MAF: variants seen among roughly 807,000 people sequenced by gnomAD.
MAF encodes transcription factor Maf.
Under a neutral mutation model 22.0 loss-of-function variants are expected in MAF, and 10 were observed. The observed-to-expected ratio is 0.45, with a 90% CI of 0.28 to 0.77. The LOEUF is 0.77. Among genes scored for constraint, MAF ranks in the 30% least tolerant of loss-of-function variants. The pLI is 0.12. For synonymous variants in MAF, 337 were observed against 255.8 expected, an observed-to-expected ratio of 1.32 and a Z score of -3.03; for missense variants, 544 against 548.4, an observed-to-expected ratio of 0.99 and a Z score of 0.08.
the MAF span, among the ~76,000 whole-genome samples, chr16:79,223,534 G>C: frequency 1.3e-5 from 2 of 152,120 alleles, no homozygotes; most frequent in African/African-American, 4.8e-5. Flanking sequence ...GAAGGAGATA[G>C]AGACACAAAA....
chr16:79,370,997 C>A, the MAF span, among the ~76,000 whole-genome samples: 1 of 152,200 alleles, frequency 6.6e-6, no homozygotes, highest in East Asian at 1.9e-4. Context: ...TTGTAGCTCT[C>A]AATTAGTGGA....
At chr16:79,541,741 C>T in the MAF span, among the ~76,000 whole-genome samples, 6 of 150,314 alleles carry the variant, frequency 4.0e-5, no homozygotes, top group South Asian at 1.3e-3. Flanking sequence ...ACTGCAACCT[C>T]CACCTCCGGG....
At chr16:79,580,724 C>T in the MAF span, among the ~76,000 whole-genome samples, 2 of 151,950 alleles carry the variant, frequency 1.3e-5, no homozygotes, top group Non-Finnish European at 2.9e-5. Flanking sequence ...CTCAAACCTC[C>T]GAACCTGCTT....
the MAF span, among the ~76,000 whole-genome samples, chr16:79,560,636 A>G: frequency 6.6e-6 from 1 of 152,014 alleles, no homozygotes; most frequent in African/African-American, 2.4e-5. Context: ...TTTCCATAAG[A>G]TACTCACTGT....
chr16:79,291,911 T>C, the MAF span, among the ~76,000 whole-genome samples: 1 of 150,914 alleles, frequency 6.6e-6, no homozygotes, highest in African/African-American at 2.4e-5. Flanking sequence ...GATGTGTGGG[T>C]CACTGCAGAG....
chr16:79,291,392 G>A, the MAF span, among the ~76,000 whole-genome samples: 1 of 152,114 alleles, frequency 6.6e-6, no homozygotes, highest in South Asian at 2.1e-4. Flanking sequence ...CCATTGTACA[G>A]CCACTTTTCC....
At chr16:79,406,181 C>T in the MAF span, among the ~76,000 whole-genome samples, 22 of 152,298 alleles carry the variant, frequency 1.4e-4, no homozygotes, top group Admixed American at 3.3e-4. Context: ...TTTCCCTACA[C>T]GCCTGCAACT....
the MAF span, among the ~76,000 whole-genome samples, chr16:79,389,046 A>C: frequency 6.6e-6 from 1 of 152,210 alleles, no homozygotes; most frequent in African/African-American, 2.4e-5. Context: ...AATTCACTGC[A>C]AAAAATTGAT....
chr16:79,229,780 G>C, the MAF span, among the ~76,000 whole-genome samples: 8 of 152,112 alleles, frequency 5.3e-5, no homozygotes, highest in African/African-American at 7.2e-5. Context: ...TCTTCACTTC[G>C]AAGTGAAAGA....
the MAF span, among the ~76,000 whole-genome samples, chr16:79,471,880 T>C: frequency 6.6e-6 from 1 of 152,202 alleles, no homozygotes; most frequent in African/African-American, 2.4e-5. Context: ...AAAAAACTTT[T>C]ACCAGGTGAT....
chr16:79,300,726 ATTCAT>A, the MAF span, among the ~76,000 whole-genome samples: 1 of 152,056 alleles, frequency 6.6e-6, no homozygotes, highest in Non-Finnish European at 1.5e-5. Context: ...GACAAAAAAA[ATTCAT>A]TTAATTTATA....
At chr16:79,414,737 A>C in the MAF span, among the ~76,000 whole-genome samples, 1 of 152,248 alleles carries the variant, frequency 6.6e-6, no homozygotes, top group African/African-American at 2.4e-5. Flanking sequence ...GCCAAGATCA[A>C]AATGGAGTTT....
the MAF span, among the ~76,000 whole-genome samples, chr16:79,333,949 A>G: frequency 6.6e-6 from 1 of 152,268 alleles, no homozygotes; most frequent in African/African-American, 2.4e-5. Context: ...ATCTGGTGAT[A>G]TAACCACGTG....
chr16:79,523,294 A>G, the MAF span, among the ~76,000 whole-genome samples: 1 of 152,238 alleles, frequency 6.6e-6, no homozygotes. Flanking sequence ...CTAATTCTCT[A>G]GGGTGAACAG....
the MAF span, among the ~76,000 whole-genome samples, chr16:79,246,043 A>T: frequency 2.0e-5 from 3 of 152,080 alleles, no homozygotes; most frequent in Admixed American, 6.6e-5. Context: ...AACATCATAT[A>T]CCAGGGCCTG....
the MAF span, among the ~76,000 whole-genome samples, chr16:79,265,719 G>A: frequency 9.2e-5 from 14 of 152,326 alleles, no homozygotes; most frequent in East Asian, 1.3e-3. Context: ...AGCACACAAT[G>A]TTTTTCCTAT....
At chr16:79,203,968 C>T in the MAF span, 6 of 152,114 alleles carry the variant, frequency 3.9e-5, no homozygotes, top group African/African-American at 1.4e-4. Flanking sequence ...TATAAACACC[C>T]AGCAGTCCTT....
chr16:79,211,522 C>A, the MAF span: 2 of 1,574,808 alleles, frequency 1.3e-6, no homozygotes, highest in Non-Finnish European at 1.7e-6. Context: ...TGGGGGAGGC[C>A]TGCTAATGCC....
chr16:79,421,099 TTA>T, the MAF span, among the ~76,000 whole-genome samples: 1 of 152,154 alleles, frequency 6.6e-6, no homozygotes, highest in Non-Finnish European at 1.5e-5. Context: ...CTGTTCTATT[TTA>T]TTATTAGCCG....
Sources: gnomAD v4.1 joint callset for allele counts (sites outside exome capture counted in the v4.1 genomes callset) on GRCh38, gnomAD v4.1.1 for gene constraint, MANE v1.5 for transcripts, NCBI Gene and HGNC (gene_info 2026-07-23, HGNC 2026-07-21) for gene names.